Variants in GOLPH3 observed in about 807,000 individuals in gnomAD.
GOLPH3 encodes the protein golgi phosphoprotein 3, also known as coat protein GPP34.
GOLPH3 carries 14 observed loss-of-function variants against 28.5 expected under a neutral mutation model. The ratio of observed to expected loss-of-function variants is 0.49; its 90% confidence interval spans 0.32 to 0.77. The LOEUF is 0.77. GOLPH3 is among the 30% of genes least tolerant of loss of function. The probability of loss-of-function intolerance (pLI) is 0.03; values close to 1 mark genes in which losing one functional copy is unlikely to be tolerated. For missense variants in GOLPH3, 350 were observed against 393.7 expected, an observed-to-expected ratio of 0.89 and a Z score of 0.94; for synonymous variants, 158 against 159.2, an observed-to-expected ratio of 0.99 and a Z score of 0.06.
intron 2 of GOLPH3, among the ~76,000 whole-genome samples, chr5:32,139,148 C>T (rs933526853): frequency 2.6e-5 from 4 of 152,148 alleles, no homozygotes; most frequent in Non-Finnish European, 4.4e-5. Flanking sequence ...CCAATATAGT[C>T]GGCCTTCCAT....
chr5:32,136,956 GTTTCTTTTT>G (rs1745946146), intron 2 of GOLPH3, among the ~76,000 whole-genome samples: 1 of 151,944 alleles, frequency 6.6e-6, no homozygotes, highest in African/African-American at 2.4e-5. Flanking sequence ...AGGTTTCTTG[GTTTCTTTTT>G]TTTCTTTTTT....
intron 3 of GOLPH3, among the ~76,000 whole-genome samples, chr5:32,132,013 G>A (rs1745835005): frequency 6.6e-6 from 1 of 152,152 alleles, no homozygotes; most frequent in African/African-American, 2.4e-5. Context: ...AAAATTAGCT[G>A]GGCGTGGTGG....
intron 1 of GOLPH3, among the ~76,000 whole-genome samples, chr5:32,164,877 CTTAATAAGGT>C (rs1746673878): frequency 6.8e-6 from 1 of 146,688 alleles, no homozygotes; most frequent in Non-Finnish European, 1.5e-5. Context: ...TATTAGCTTA[CTTAATAAGGT>C]AAATTATGTA....
intron 2 of GOLPH3, among the ~76,000 whole-genome samples, chr5:32,141,471 T>C (rs996773219): frequency 1.3e-5 from 2 of 152,234 alleles, no homozygotes; most frequent in South Asian, 4.1e-4. Flanking sequence ...AAAGTATTCA[T>C]AATCTGATGA....
intron 1 of GOLPH3, among the ~76,000 whole-genome samples, chr5:32,166,284 GT>G (rs1314882638): frequency 6.6e-6 from 1 of 152,182 alleles, no homozygotes; most frequent in Non-Finnish European, 1.5e-5. Flanking sequence ...TATTAGTTGT[GT>G]TTTTGCAGAT....
intron 1 of GOLPH3, among the ~76,000 whole-genome samples, chr5:32,164,710 T>C (rs1371879611): frequency 3.3e-5 from 5 of 151,966 alleles, no homozygotes; most frequent in Non-Finnish European, 7.4e-5. Flanking sequence ...TACGATTCTT[T>C]CACTACCACG....
chr5:32,128,222 G>A (rs563445310), intron 3 of GOLPH3, among the ~76,000 whole-genome samples: 1 of 152,278 alleles, frequency 6.6e-6, no homozygotes, highest in South Asian at 2.1e-4. Flanking sequence ...GTAGAGCTGG[G>A]AAAAATGTGA....
At chr5:32,146,269 G>A (rs1746178237) in intron 1 of GOLPH3, among the ~76,000 whole-genome samples, 1 of 147,204 alleles carries the variant, frequency 6.8e-6, no homozygotes, top group Non-Finnish European at 1.5e-5. Context: ...CAGCCTGGAT[G>A]ACAGGAGTAA....
intron 1 of GOLPH3, among the ~76,000 whole-genome samples, chr5:32,159,491 T>C (rs1388500769): frequency 6.6e-6 from 1 of 152,190 alleles, no homozygotes; most frequent in African/African-American, 2.4e-5. Flanking sequence ...CTGGTATCAC[T>C]TTTTTCTTTC....
intron 1 of GOLPH3, among the ~76,000 whole-genome samples, chr5:32,148,549 G>A (rs1346874867): frequency 6.6e-6 from 1 of 152,216 alleles, no homozygotes; most frequent in African/African-American, 2.4e-5. Context: ...TGTAATCCCA[G>A]CACTTTGGGA....
intron 1 of GOLPH3, among the ~76,000 whole-genome samples, chr5:32,168,107 C>T (rs1746754838): frequency 6.6e-6 from 1 of 152,006 alleles, no homozygotes; most frequent in Admixed American, 6.6e-5. Context: ...GTCTTAGAAA[C>T]AACGAAAATT....
At chr5:32,149,196 C>A (rs562086569) in intron 1 of GOLPH3, among the ~76,000 whole-genome samples, 1 of 152,100 alleles carries the variant, frequency 6.6e-6, no homozygotes, top group Non-Finnish European at 1.5e-5. Context: ...AAGACAAATG[C>A]AGAGTAGAAA....
chr5:32,150,903 G>A (rs1207318969), intron 1 of GOLPH3, among the ~76,000 whole-genome samples: 2 of 152,248 alleles, frequency 1.3e-5, no homozygotes, highest in South Asian at 2.1e-4. Flanking sequence ...TTAAACAAAC[G>A]TGTTGGGACA....
intron 1 of GOLPH3, among the ~76,000 whole-genome samples, chr5:32,145,198 T>G (rs1471874920): frequency 6.6e-6 from 1 of 152,212 alleles, no homozygotes; most frequent in Non-Finnish European, 1.5e-5. Flanking sequence ...AGCTACCACT[T>G]CTGAGAATGT....
Position 32,142,765 on chromosome 5 carries a change from G to GC in GOLPH3, c.357+983dup, listed in dbSNP as rs545117554. On this transcript the variant is annotated intron_variant, in intron 2 of 3. Coordinates refer to ENST00000265070, the MANE Select transcript of GOLPH3 (RefSeq NM_022130.4). The stretch of plus-strand genomic sequence containing the variant: ...AGGTGAGGGGCGCCTCTGCCCGGCC[G>GC]CCCCTACTGGGAAGTGAGGAGCCCC... 1.1e-3 allele frequency among the ~76,000 whole-genome samples: 162 copies of GC among 146,624 alleles called. 4 individuals are homozygous for GC. The highest frequency in any genetic ancestry group is 3.9e-3 in the African/African-American group (151 of 38,882).
intron 1 of GOLPH3, among the ~76,000 whole-genome samples, chr5:32,172,802 G>A (rs1203181504): frequency 6.6e-6 from 1 of 151,818 alleles, no homozygotes; most frequent in South Asian, 2.1e-4. Context: ...CGGAGATTTC[G>A]GTAAGCCGAG....
At chr5:32,172,793 G>T (rs1746871335) in intron 1 of GOLPH3, among the ~76,000 whole-genome samples, 1 of 152,172 alleles carries the variant, frequency 6.6e-6, no homozygotes, top group African/African-American at 2.4e-5. Flanking sequence ...CCCGGGAGGC[G>T]GAGATTTCGG....
intron 1 of GOLPH3, among the ~76,000 whole-genome samples, chr5:32,164,450 G>A (rs973581302): frequency 6.6e-6 from 1 of 151,656 alleles, no homozygotes; most frequent in Admixed American, 6.6e-5. Flanking sequence ...CTGGAGTGCA[G>A]TGGCGCGATA....
chr5:32,159,109 C>T (rs1341003162), intron 1 of GOLPH3, among the ~76,000 whole-genome samples: 2 of 152,184 alleles, frequency 1.3e-5, no homozygotes, highest in African/African-American at 4.8e-5. Context: ...TCTTGCCTTC[C>T]AAGACCTGTT....
Sources: allele counts gnomAD v4.1 joint callset (sites outside exome capture counted in the v4.1 genomes callset), GRCh38; gene constraint gnomAD v4.1.1; transcripts MANE v1.5; gene names NCBI Gene and HGNC (gene_info 2026-07-23, HGNC 2026-07-21).